The following PRKAA2 variants were observed in gnomAD, a reference collection of about 807,000 sequenced individuals.
PRKAA2 encodes the protein 5'-AMP-activated protein kinase catalytic subunit alpha-2.
A neutral mutation model predicts 56.3 loss-of-function variants in PRKAA2; 40 were observed. The ratio of observed to expected loss-of-function variants is 0.71; its 90% CI spans 0.55 to 0.92. The LOEUF (loss-of-function observed/expected upper bound fraction) is 0.92. Among genes scored for constraint, PRKAA2 ranks in the 40% least tolerant of loss-of-function variants. The pLI, the probability that PRKAA2 is intolerant of heterozygous loss-of-function variation, is 0.00. For synonymous variants in PRKAA2, 214 were observed against 234.2 expected (o/e 0.91, Z 0.79); for missense variants, 542 against 686.9 (o/e 0.79, Z 2.36).
chr1:56,699,966 A>G (rs1017540698), intron 6 of PRKAA2, among the ~76,000 whole-genome samples: 6 of 152,228 alleles, frequency 3.9e-5, no homozygotes, highest in African/African-American at 1.4e-4. Context: ...CAGTGTATGA[A>G]TATACTACAT....
intron 2 of PRKAA2, among the ~76,000 whole-genome samples, chr1:56,678,769 C>T (rs551868469): frequency 1.2e-4 from 18 of 150,278 alleles, no homozygotes; most frequent in Admixed American, 2.7e-4. Flanking sequence ...GATCTCAGCT[C>T]ACTGCAACCT....
chr1:56,656,055 G>A (rs909020746), intron 1 of PRKAA2, among the ~76,000 whole-genome samples: 2 of 151,970 alleles, frequency 1.3e-5, no homozygotes, highest in Non-Finnish European at 1.5e-5. Context: ...TATTAGCAGA[G>A]GACTGGAATC....
chr1:56,684,215 T>C (rs190073037), intron 2 of PRKAA2, among the ~76,000 whole-genome samples: 25 of 152,086 alleles, frequency 1.6e-4, no homozygotes, highest in Non-Finnish European at 8.8e-5. Context: ...GTGGAGAAGA[T>C]TGTAGGAGGA....
intron 1 of PRKAA2, among the ~76,000 whole-genome samples, chr1:56,648,134 C>T (rs1460872331): frequency 6.6e-6 from 1 of 152,004 alleles, no homozygotes; most frequent in Non-Finnish European, 1.5e-5. Flanking sequence ...ACTAATTTTG[C>T]CAAATGTTGC....
rs137884411 is a variant in PRKAA2, at chr1:56,678,887, G to A, written c.236+4365G>A. Among the ~76,000 whole-genome samples the A allele has an allele frequency of 4.5e-3, 684 of 152,098 alleles. 4 individuals carry two copies. The highest frequency in any genetic ancestry group is 0.016 in the African/African-American group (652 of 41,512). On this transcript the variant is annotated intron_variant, in intron 2 of 8. Transcript: ENST00000371244. ...ATTTTTGTATTTTTAGTAGAGACGG[G>A]GTTTCACCATGTTGGCCAGGATGGC... is the stretch of plus-strand genomic sequence containing the variant.
At chr1:56,680,139 C>A (rs191895236) in intron 2 of PRKAA2, among the ~76,000 whole-genome samples, 1 of 152,180 alleles carries the variant, frequency 6.6e-6, no homozygotes, top group East Asian at 1.9e-4. Flanking sequence ...GGGGTTGACA[C>A]CCTAACCCCC....
intron 5 of PRKAA2, among the ~76,000 whole-genome samples, chr1:56,695,222 G>C (rs184893223): frequency 6.9e-6 from 1 of 145,608 alleles, no homozygotes; most frequent in Non-Finnish European, 1.5e-5. Flanking sequence ...TTGAGATAGA[G>C]TCTCGCTCTG....
chr1:56,657,143 G>T (rs1643950780), intron 1 of PRKAA2, among the ~76,000 whole-genome samples: 1 of 152,102 alleles, frequency 6.6e-6, no homozygotes, highest in Non-Finnish European at 1.5e-5. Flanking sequence ...CCTTATGCTG[G>T]TGTAGACTGT....
chr1:56,678,870 A>G (rs948815784), intron 2 of PRKAA2, among the ~76,000 whole-genome samples: 4 of 151,952 alleles, frequency 2.6e-5, no homozygotes, highest in African/African-American at 9.7e-5. Context: ...TAATTTTTGT[A>G]TTTTTAGTAG....
intron 2 of PRKAA2, among the ~76,000 whole-genome samples, chr1:56,679,024 A>G (rs1486065556): frequency 1.3e-5 from 2 of 152,004 alleles, no homozygotes; most frequent in Non-Finnish European, 2.9e-5. Flanking sequence ...TATTTAACCT[A>G]TGGCCTGCTT....
At position 56,663,594 on chromosome 1, in the gene PRKAA2, G is replaced by T. The variant is rs542313853; in HGVS notation, c.95-10787G>T. Among the ~76,000 whole-genome samples the T allele has an allele frequency of 5.2e-4, 79 of 152,316 alleles. No individual in the cohort carries two copies. The Middle Eastern group carries it at 0.01, about 20-fold the overall frequency. ...GAGAGCTCTGCTCTTGTCTGCAGCT[G>T]ATCTGAGTGCAACAGTTTTGACACC... is the stretch of plus-strand genomic sequence containing the variant. On this transcript the variant is annotated intron_variant, in intron 1 of 8. Transcript: ENST00000371244.
chr1:56,706,815 G>A (rs1644335011), intron 8 of PRKAA2, among the ~76,000 whole-genome samples: 1 of 152,220 alleles, frequency 6.6e-6, no homozygotes, highest in Non-Finnish European at 1.5e-5. Context: ...AGGGTCAGGT[G>A]CTGGATGGAA....
intron 2 of PRKAA2, among the ~76,000 whole-genome samples, chr1:56,688,280 T>C (rs1259935500): frequency 1.3e-5 from 2 of 152,218 alleles, no homozygotes; most frequent in African/African-American, 4.8e-5. Flanking sequence ...AATTTTGCTA[T>C]GATTTTTCAG....
At chr1:56,669,159 A>G (rs1644057449) in intron 1 of PRKAA2, among the ~76,000 whole-genome samples, 1 of 152,126 alleles carries the variant, frequency 6.6e-6, no homozygotes, top group African/African-American at 2.4e-5. Flanking sequence ...TGGATGATGC[A>G]TTAAGAGTGC....
rs143722455 is a variant in PRKAA2, at chr1:56,703,733, C to T, written c.789-238C>T. 4.6e-3 allele frequency among the ~76,000 whole-genome samples: 704 copies of T among 152,234 alleles called. 6 individuals carry two copies. Among genetic ancestry groups the T allele is most frequent in the African/African-American group, 0.016 (668 of 41,530 alleles). On this transcript the variant is annotated intron_variant, in intron 6 of 8. Coordinates refer to ENST00000371244, the MANE Select transcript of PRKAA2 (RefSeq NM_006252.4). ...ATATTGCTGGTTGTTTTCCTTAAAG[C>T]GATGGGCTTGCTTTTTTCATTTTTG...
chr1:56,703,926 TG>T, intron 6 of PRKAA2, 44 bp from the exon 7 acceptor site: 2 of 1,537,204 alleles, frequency 1.3e-6, no homozygotes, highest in South Asian at 2.6e-5. Flanking sequence ...TATTTGGACT[TG>T]CCAAACCATG....
chr1:56,698,871 T>G (rs530646989), intron 6 of PRKAA2, among the ~76,000 whole-genome samples: 1 of 152,316 alleles, frequency 6.6e-6, no homozygotes, highest in South Asian at 2.1e-4. Flanking sequence ...GGTAATATAG[T>G]GGTAAACAAG....
chr1:56,665,177 G>T (rs1164929225), intron 1 of PRKAA2, among the ~76,000 whole-genome samples: 1 of 151,022 alleles, frequency 6.6e-6, no homozygotes, highest in Non-Finnish European at 1.5e-5. Flanking sequence ...CGGTTCAAAC[G>T]ATTCTCCTGC....
At chr1:56,664,855 T>TACAC (rs67041631) in intron 1 of PRKAA2, among the ~76,000 whole-genome samples, 62,202 of 139,628 alleles carry the variant, frequency 0.45, 14,513 homozygotes, top group Middle Eastern at 0.58. Flanking sequence ...AGTATATGTG[T>TACAC]ACACACACAC....
Sources: allele counts gnomAD v4.1 joint callset (sites outside exome capture counted in the v4.1 genomes callset), GRCh38; gene constraint gnomAD v4.1.1; transcripts MANE v1.5; gene names NCBI Gene and HGNC (gene_info 2026-07-23, HGNC 2026-07-21).